The following SMYD3 variants were observed in gnomAD, a reference collection of about 807,000 sequenced individuals.
SMYD3 encodes the protein histone-lysine N-methyltransferase SMYD3.
SMYD3 carries 36 observed loss-of-function variants against 57.7 expected under a neutral mutation model. The observed-to-expected ratio is 0.62, with a 90% CI of 0.48 to 0.82. The LOEUF (loss-of-function observed/expected upper bound fraction) is 0.82. Ranked by LOEUF, SMYD3 falls within the 40% of genes least tolerant of loss-of-function variation. The probability of loss-of-function intolerance (pLI) is 0.00; values close to 1 mark genes in which losing one functional copy is unlikely to be tolerated. For synonymous variants in SMYD3, 211 were observed against 195.0 expected, an observed-to-expected ratio of 1.08 and a Z score of -0.68; for missense variants, 515 against 538.8, an observed-to-expected ratio of 0.96 and a Z score of 0.44.
chr1:245,858,108 C>T (rs1434244859), intron 10 of SMYD3, among the ~76,000 whole-genome samples: 3 of 152,218 alleles, frequency 2.0e-5, no homozygotes, highest in Non-Finnish European at 4.4e-5. Flanking sequence ...CCATCCTCAC[C>T]TGGACCAGCA....
intron 8 of SMYD3, among the ~76,000 whole-genome samples, chr1:245,889,870 G>A (rs1361194270): frequency 6.6e-6 from 1 of 152,110 alleles, no homozygotes; most frequent in African/African-American, 2.4e-5. Context: ...AAAACAGCAT[G>A]GTACTGGCAT....
At chr1:245,794,720 GA>G (rs1572353421) in intron 10 of SMYD3, among the ~76,000 whole-genome samples, 1 of 152,084 alleles carries the variant, frequency 6.6e-6, no homozygotes, top group Non-Finnish European at 1.5e-5. Context: ...TTTTTCCTCT[GA>G]GCTGCATTCT....
At chr1:246,020,180 G>C (rs527617389) in intron 5 of SMYD3, among the ~76,000 whole-genome samples, 2 of 152,330 alleles carry the variant, frequency 1.3e-5, no homozygotes, top group African/African-American at 4.8e-5. Flanking sequence ...GAACACAGCA[G>C]ACTGCTGACT....
At chr1:246,359,843 C>CA (rs1445867117) in intron 1 of SMYD3, among the ~76,000 whole-genome samples, 2 of 152,138 alleles carry the variant, frequency 1.3e-5, no homozygotes, top group Non-Finnish European at 2.9e-5. Flanking sequence ...GACAAACCCA[C>CA]AGCCAACATT....
At chr1:245,860,920 CTAT>C (rs1558431973) in intron 9 of SMYD3, among the ~76,000 whole-genome samples, 2 of 152,208 alleles carry the variant, frequency 1.3e-5, no homozygotes, top group African/African-American at 4.8e-5. Context: ...TTGACCTCCA[CTAT>C]TATTTGCCTG....
intron 8 of SMYD3, among the ~76,000 whole-genome samples, chr1:245,900,949 T>C (rs1047142707): frequency 6.6e-6 from 1 of 152,234 alleles, no homozygotes; most frequent in African/African-American, 2.4e-5. Flanking sequence ...AACAATAAAG[T>C]AGATTGAATC....
chr1:246,359,200 T>G (rs1036126788), intron 1 of SMYD3, among the ~76,000 whole-genome samples: 2 of 152,102 alleles, frequency 1.3e-5, no homozygotes, highest in Non-Finnish European at 2.9e-5. Context: ...GTGCCTAAAC[T>G]AGAAAACCTA....
At chr1:246,293,586 C>G (rs2064737203) in intron 5 of SMYD3, among the ~76,000 whole-genome samples, 1 of 152,168 alleles carries the variant, frequency 6.6e-6, no homozygotes, top group Admixed American at 6.5e-5. Context: ...AACCCCTCCC[C>G]CGGCACAGTG....
rs190751525 is a variant in SMYD3 at position 246,037,436 on chromosome 1, T to A, written c.532-107499A>T. On this transcript the variant is annotated intron_variant, in intron 5 of 11. Transcript: ENST00000490107. ...TGAGGACAGCATCACCTGGACTCCC[T>A]CCTCTGATAACTTCTGGGAGGCACT... Among the ~76,000 whole-genome samples, 317 of 152,312 alleles carry A rather than the reference T, an allele frequency of 2.1e-3. 3 individuals are homozygous for A. The highest frequency in any genetic ancestry group is 6.7e-3 in the African/African-American group (278 of 41,582).
At chr1:246,039,598 G>A (rs1486150829) in intron 5 of SMYD3, among the ~76,000 whole-genome samples, 1 of 152,148 alleles carries the variant, frequency 6.6e-6, no homozygotes, top group Non-Finnish European at 1.5e-5. Flanking sequence ...TACACAAATT[G>A]ATTCCATAAA....
chr1:246,479,656 T>C (rs1483158441), intron 1 of SMYD3, among the ~76,000 whole-genome samples: 3 of 151,670 alleles, frequency 2.0e-5, no homozygotes, highest in African/African-American at 7.3e-5. Context: ...TACAGGTGTG[T>C]GCCACCACAC....
intron 5 of SMYD3, among the ~76,000 whole-genome samples, chr1:246,104,447 T>A (rs2061079706): frequency 6.6e-6 from 1 of 152,160 alleles, no homozygotes; most frequent in South Asian, 2.1e-4. Context: ...GAATAAGTAT[T>A]TAGAAATTTC....
intron 5 of SMYD3, among the ~76,000 whole-genome samples, chr1:245,968,659 G>A (rs568066140): frequency 1.3e-5 from 2 of 152,204 alleles, no homozygotes; most frequent in South Asian, 2.1e-4. Context: ...CTTGTGACTC[G>A]GGGCAAGTTA....
rs546940479 is a variant in SMYD3, at chr1:246,005,309, T to A, written c.532-75372A>T. ...TGCCCTATGACTCAGCAGACAAGTATAAATGTTTCTCACAGTAGCAAAGCA... is the reference window on the plus strand; with the variant it reads ...TGCCCTATGACTCAGCAGACAAGTAAAAATGTTTCTCACAGTAGCAAAGCA... On this transcript the variant is annotated intron_variant, in intron 5 of 11. Coordinates refer to ENST00000490107, the MANE Select transcript of SMYD3 (RefSeq NM_001167740.2). Among the ~76,000 whole-genome samples, 20 of 152,340 alleles carry A rather than the reference T, an allele frequency of 1.3e-4. No individual in the cohort carries two copies. The South Asian group carries it at 3.9e-3, about 30-fold the overall frequency.
intron 9 of SMYD3, among the ~76,000 whole-genome samples, chr1:245,859,565 A>G (rs2051425922): frequency 6.6e-6 from 1 of 152,208 alleles, no homozygotes; most frequent in African/African-American, 2.4e-5. Flanking sequence ...ATCCCTCCCC[A>G]GTGAATTCTC....
intron 5 of SMYD3, among the ~76,000 whole-genome samples, chr1:246,148,086 A>G (rs368506382): frequency 2.0e-5 from 3 of 152,186 alleles, no homozygotes; most frequent in East Asian, 3.9e-4. Context: ...CCTTCAGACC[A>G]GGGAGGGCCT....
chr1:246,195,554 A>G (rs771605307), intron 5 of SMYD3, among the ~76,000 whole-genome samples: 33 of 152,206 alleles, frequency 2.2e-4, no homozygotes, highest in Non-Finnish European at 4.1e-4. Context: ...TTCCTAGACC[A>G]TATGACATGT....
intron 5 of SMYD3, among the ~76,000 whole-genome samples, chr1:246,300,430 T>C (rs2064874005): frequency 6.6e-6 from 1 of 152,136 alleles, no homozygotes; most frequent in Non-Finnish European, 1.5e-5. Context: ...CAAAGAGATT[T>C]CTAAAATACC....
At chr1:246,006,449 G>A (rs1558577127) in intron 5 of SMYD3, among the ~76,000 whole-genome samples, 1 of 152,094 alleles carries the variant, frequency 6.6e-6, no homozygotes, top group African/African-American at 2.4e-5. Context: ...TTCCCAGACG[G>A]AACTCCTGGG....
Sources: allele counts gnomAD v4.1 joint callset (sites outside exome capture counted in the v4.1 genomes callset), GRCh38; gene constraint gnomAD v4.1.1; transcripts MANE v1.5; gene names NCBI Gene and HGNC (gene_info 2026-07-23, HGNC 2026-07-21).